The following TTC6 variants were observed in gnomAD, a reference collection of about 807,000 sequenced individuals.
TTC6 encodes the protein tetratricopeptide repeat protein 6.
Under a neutral mutation model 210.4 loss-of-function variants are expected in TTC6, and 172 were observed. That is an observed-to-expected ratio of 0.82 (90% CI 0.72 to 0.93). The LOEUF (loss-of-function observed/expected upper bound fraction) is 0.93. TTC6 is among the 40% of genes least tolerant of loss of function. TTC6 has a pLI of 0.00. For synonymous variants in TTC6, 804 were observed against 819.6 expected, an observed-to-expected ratio of 0.98 and a Z score of 0.32; for missense variants, 2,414 against 2,318.1, an observed-to-expected ratio of 1.04 and a Z score of -0.85.
exon 1 of TTC6, chr14:37,622,573 C>T: frequency 6.5e-7 from 1 of 1,534,120 alleles, no homozygotes; most frequent in Non-Finnish European, 8.7e-7. Flanking sequence ...TTGGAGAGCT[C>T]GCGGCACGCG....
intron 1 of TTC6, among the ~76,000 whole-genome samples, chr14:37,630,746 T>C (rs2139337724): frequency 6.6e-6 from 1 of 152,132 alleles, no homozygotes; most frequent in South Asian, 2.1e-4. Flanking sequence ...AGAACCTGCT[T>C]TATGAATCTG....
At chr14:37,658,518 G>C (rs177877) in intron 1 of TTC6, among the ~76,000 whole-genome samples, 6 of 151,970 alleles carry the variant, frequency 3.9e-5, no homozygotes, top group Non-Finnish European at 4.4e-5. Flanking sequence ...GCTGGGAGCT[G>C]AATAATGTAC....
exon 15 of TTC6, chr14:37,787,475 C>A: frequency 6.6e-7 from 1 of 1,518,344 alleles, no homozygotes; most frequent in Non-Finnish European, 8.8e-7. Context: ...TAGGACATAC[C>A]GAGGGATTGC....
chr14:37,687,462 G>T (rs979684480), intron 3 of TTC6, among the ~76,000 whole-genome samples: 1 of 152,098 alleles, frequency 6.6e-6, no homozygotes, highest in Admixed American at 6.6e-5. Flanking sequence ...AGAGATAGTG[G>T]ACTAGGGAGG....
chr14:37,795,225 C>A, intron 17 of TTC6, 45 bp from the exon 20 acceptor site: 1 of 1,317,818 alleles, frequency 7.6e-7, no homozygotes, highest in Non-Finnish European at 1.0e-6. Flanking sequence ...AGAAAGGAAG[C>A]AATCGATGTT....
intron 7 of TTC6, among the ~76,000 whole-genome samples, chr14:37,728,173 A>C (rs367660809): frequency 0.034 from 2,743 of 81,368 alleles, 77 homozygotes; most frequent in African/African-American, 0.082. Flanking sequence ...AAATAATAAT[A>C]GACTTTATTA....
chr14:37,672,821 A>ATTTTTTTTTTTTTTTTTTTTT (rs377117749), intron 1 of TTC6, among the ~76,000 whole-genome samples: 47 of 128,976 alleles, frequency 3.6e-4, no homozygotes, highest in South Asian at 1.5e-3. Context: ...TGAATTCCTC[A>ATTTTTTTTTTTTTTTTTTTTT]TTTTTTTTTT....
intron 1 of TTC6, among the ~76,000 whole-genome samples, chr14:37,666,942 T>C (rs571437228): frequency 1.3e-5 from 2 of 150,362 alleles, no homozygotes. Flanking sequence ...TAAAAGTAAA[T>C]ATTATCCAGG....
chr14:37,767,613 T>C (rs2096003405), intron 14 of TTC6, among the ~76,000 whole-genome samples: 2 of 152,256 alleles, frequency 1.3e-5, no homozygotes, highest in South Asian at 4.1e-4. Context: ...GAGAAGTGTC[T>C]GTTCATGTCC....
chr14:37,790,788 C>T, exon 16 of TTC6: 1 of 1,534,754 alleles, frequency 6.5e-7, no homozygotes, highest in Non-Finnish European at 8.7e-7. Flanking sequence ...ACATCTAAAA[C>T]TTTGGCTGCT....
At position 37,796,327 on chromosome 14, in the gene TTC6, T is replaced by A. The variant is rs1308241983; in HGVS notation, c.3825T>A (p.Asp1275Glu). The change falls in exon 19 of 31, where the codon GAT becomes GAA. Residue 1275 changes from aspartate to glutamate, a missense_variant. By Grantham distance (45) the Asp-to-Glu change is conservative. Transcript: ENST00000553443. The stretch of plus-strand genomic sequence containing the variant: ...ATCTTCTTATGATGAAATATTATGA[T>A]CTTGCAAAGTTTACTATTTATCAAA... The A allele has an allele frequency of 4.6e-6, 6 of 1,298,110 alleles. No individual in the cohort carries two copies. In the African/African-American group the frequency reaches 7.5e-5, roughly 16 times the overall value. The allele number at this position is 1,298,110 out of a possible 1,614,324, so 80.4% of individuals were successfully genotyped here. A position where few individuals can be genotyped will look rare whatever the true frequency, so the allele number is the denominator to read the frequency against.
At chr14:37,799,936 C>T (rs968406112) in intron 20 of TTC6, among the ~76,000 whole-genome samples, 10 of 152,126 alleles carry the variant, frequency 6.6e-5, no homozygotes, top group African/African-American at 2.4e-4. Flanking sequence ...GCTTGTTCGT[C>T]AACAATATTC....
intron 1 of TTC6, among the ~76,000 whole-genome samples, chr14:37,604,448 C>G (rs1345177357): frequency 6.6e-6 from 1 of 152,134 alleles, no homozygotes; most frequent in Non-Finnish European, 1.5e-5. Flanking sequence ...AACACATTGT[C>G]CCTTCCTCCC....
At chr14:37,804,424 T>C (rs2096113712) in intron 20 of TTC6, among the ~76,000 whole-genome samples, 2 of 152,236 alleles carry the variant, frequency 1.3e-5, no homozygotes, top group Admixed American at 1.3e-4. Flanking sequence ...CAAAAATCCA[T>C]GTCCATAAGC....
At chr14:37,734,709 T>C (rs1443725329) in intron 7 of TTC6, among the ~76,000 whole-genome samples, 2 of 152,176 alleles carry the variant, frequency 1.3e-5, no homozygotes, top group South Asian at 2.1e-4. Flanking sequence ...TAGGAGGATT[T>C]TTTTTTTCCA....
chr14:37,771,444 T>C (rs1309451376), intron 14 of TTC6, among the ~76,000 whole-genome samples: 1 of 152,218 alleles, frequency 6.6e-6, no homozygotes, highest in Non-Finnish European at 1.5e-5. Context: ...GGTACACCAA[T>C]CGGACGTAGA....
intron 14 of TTC6, among the ~76,000 whole-genome samples, chr14:37,758,438 A>G (rs1358868067): frequency 1.3e-5 from 2 of 152,178 alleles, no homozygotes; most frequent in Non-Finnish European, 1.5e-5. Context: ...ACCATTATGT[A>G]ACGGCCTTCT....
chr14:37,669,158 A>G (rs979371479), intron 1 of TTC6, among the ~76,000 whole-genome samples: 1 of 152,252 alleles, frequency 6.6e-6, no homozygotes, highest in African/African-American at 2.4e-5. Context: ...ACCTTCATAT[A>G]AATGAAATTA....
chr14:37,610,456 CAT>C (rs1461568543), intron 2 of TTC6, among the ~76,000 whole-genome samples: 5 of 152,274 alleles, frequency 3.3e-5, no homozygotes, highest in East Asian at 3.9e-4. Context: ...ATAAAATAAA[CAT>C]GTGTGGGCCT....
Sources: allele counts gnomAD v4.1 joint callset (sites outside exome capture counted in the v4.1 genomes callset), GRCh38; gene constraint gnomAD v4.1.1; transcripts MANE v1.5; gene names NCBI Gene and HGNC (gene_info 2026-07-23, HGNC 2026-07-21).